Variants in KCNQ1 observed in about 807,000 individuals in gnomAD.
The protein encoded by KCNQ1 is potassium voltage-gated channel subfamily Q member 1.
A neutral mutation model predicts 72.4 loss-of-function variants in KCNQ1; 49 were observed. The ratio of observed to expected loss-of-function variants is 0.68; its 90% CI spans 0.54 to 0.86. The LOEUF is 0.86. Among genes scored for constraint, KCNQ1 ranks in the 40% least tolerant of loss-of-function variants. The pLI is 0.00. For synonymous variants in KCNQ1, 450 were observed against 412.6 expected (o/e 1.09, Z -1.10); for missense variants, 790 against 945.1 (o/e 0.84, Z 2.15).
chr11:2,626,981 G>A lies in KCNQ1; in HGVS notation c.1394-34980G>A. ...AATAACATCATTAGGATTTTTATTG[G>A]GATTACCTTGGATTTGTAGATTGTT... On this transcript the variant is annotated intron_variant, in intron 10 of 15. Coordinates refer to ENST00000155840, the MANE Select transcript of KCNQ1 (RefSeq NM_000218.3). This position sits in a 1 kb window ranked among gnomAD's most constrained non-coding sequence, Gnocchi z 4.0. The A allele has an allele frequency of 5.0e-6, 2 of 398,452 alleles. No individual in the cohort carries two copies. The highest frequency in any genetic ancestry group is 8.8e-6 in the Non-Finnish European group (2 of 226,030). 24.7% of individuals were successfully genotyped at this position (398,452 alleles called of 1,614,324 possible).
intron 1 of KCNQ1, among the ~76,000 whole-genome samples, chr11:2,472,966 A>C (rs1289801991): frequency 2.0e-5 from 3 of 151,894 alleles, no homozygotes; most frequent in African/African-American, 7.3e-5. Flanking sequence ...AGAGGGGCTC[A>C]TGGTGATGGG....
At chr11:2,777,636 C>A (rs1225976108) in intron 14 of KCNQ1, 1 of 587,058 alleles carries the variant, frequency 1.7e-6, no homozygotes, top group Non-Finnish European at 3.0e-6. Context: ...GCTGTGCCCC[C>A]AGCCTGGAGT....
In KCNQ1 at chr11:2,669,558, C is replaced by T; in HGVS notation, c.1514+7477C>T. On this transcript the variant is annotated intron_variant, in intron 11 of 15. Coordinates refer to ENST00000155840, the MANE Select transcript of KCNQ1 (RefSeq NM_000218.3). The surrounding 1 kb of genome is among the most constrained non-coding windows in gnomAD (Gnocchi z 5.6). The stretch of plus-strand genomic sequence containing the variant: ...CCAGGGACAAGGTCTGTCAGGGAGC[C>T]CTGGCCAGCTTGGGTCATTTCATCC... 5.0e-6 allele frequency: 2 copies of T among 398,578 alleles called. No individual in the cohort carries two copies. The highest frequency in any genetic ancestry group is 7.1e-5 in the East Asian group (2 of 28,076). The allele number at this position is 398,578 out of a possible 1,614,324, so 24.7% of individuals were successfully genotyped here.
Position 2,642,025 on chromosome 11 carries a change from A to C in KCNQ1, c.1394-19936A>C, listed in dbSNP as rs912911213. Reference sequence around the variant, plus strand: ...CCAATACCATGCTGCTTTTAATGCTATAGCCTTATATTTTTAAATCAGGCA... The same window carrying C: ...CCAATACCATGCTGCTTTTAATGCTCTAGCCTTATATTTTTAAATCAGGCA... On this transcript the variant is annotated intron_variant, in intron 10 of 15. Coordinates refer to ENST00000155840, the MANE Select transcript of KCNQ1 (RefSeq NM_000218.3). This position sits in a 1 kb window ranked among gnomAD's most constrained non-coding sequence, Gnocchi z 4.3. The C allele has an allele frequency of 2.5e-6, 1 of 398,218 alleles. No individual in the cohort carries two copies. The highest frequency in any genetic ancestry group is 2.1e-5 in the African/African-American group (1 of 48,618). 24.7% of individuals were successfully genotyped at this position (398,218 alleles called of 1,614,324 possible). A position where few individuals can be genotyped will look rare whatever the true frequency, so the allele number is the denominator to read the frequency against.
chr11:2,662,191 C>T (rs146846031), intron 11 of KCNQ1, 110 bp downstream of exon 11: 5 of 1,464,052 alleles, frequency 3.4e-6, no homozygotes, highest in South Asian at 2.5e-5. Context: ...TATCTACTCG[C>T]CTAGTGCCCA....
Position 2,509,418 on chromosome 11 carries a change from A to G in KCNQ1, c.387-18510A>G, listed in dbSNP as rs955968490. ...AGACTTGGCTCCCTTTGCTCCAGTGAGTGGCCGTTGGCTGGGAGGCTGGGT... is the reference window on the plus strand; with the variant it reads ...AGACTTGGCTCCCTTTGCTCCAGTGGGTGGCCGTTGGCTGGGAGGCTGGGT... On this transcript the variant is annotated intron_variant, in intron 1 of 15. Transcript: ENST00000155840. This position sits in a 1 kb window ranked among gnomAD's most constrained non-coding sequence, Gnocchi z 6.3. Among the ~76,000 whole-genome samples the G allele has an allele frequency of 6.6e-6, 1 of 152,054 alleles. No individual in the cohort carries two copies. The highest frequency in any genetic ancestry group is 2.4e-5 in the African/African-American group (1 of 41,390).
chr11:2,479,214 G>A lies in KCNQ1; in HGVS notation c.386+33730G>A, dbSNP rs1246669610. ...AAGCTGTTGATGGATCTATCATTCT[G>A]GGATCTGGAGGACAGTGGCCCTCTT... On this transcript the variant is annotated intron_variant, in intron 1 of 15. Transcript: ENST00000155840. This position sits in a 1 kb window ranked among gnomAD's most constrained non-coding sequence, Gnocchi z 4.6. Among the ~76,000 whole-genome samples the A allele has an allele frequency of 1.3e-5, 2 of 152,174 alleles. No homozygotes were observed. Among genetic ancestry groups the A allele is most frequent in the Non-Finnish European group, 2.9e-5 (2 of 68,026 alleles).
At position 2,494,139 on chromosome 11, in the gene KCNQ1, C is replaced by T. The variant is rs1474874019; in HGVS notation, c.387-33789C>T. Among the ~76,000 whole-genome samples, 1 of 152,030 alleles carries T rather than the reference C, an allele frequency of 6.6e-6. No individual in the cohort carries two copies. Among genetic ancestry groups the T allele is most frequent in the Non-Finnish European group, 1.5e-5 (1 of 68,024 alleles). On this transcript the variant is annotated intron_variant, in intron 1 of 15. Transcript: ENST00000155840. This position sits in a 1 kb window ranked among gnomAD's most constrained non-coding sequence, Gnocchi z 4.6. ...GAATGGGGATTCACTCATGATTTGG[C>T]TCTCTGCTTGTCTATTTTTGGTGTA...
chr11:2,521,700 G>A (rs1364070954), intron 1 of KCNQ1: 2 of 352,612 alleles, frequency 5.7e-6, no homozygotes, highest in African/African-American at 2.1e-5. Flanking sequence ...ACATCTCAGG[G>A]TTACAAAACG....
chr11:2,608,242 G>C lies in KCNQ1; in HGVS notation c.1393+19388G>C. ...TTAGATTCACTCATCTGGCCCTCTT[G>C]GGCTTTTCTTTTCAACTAGTGTTCT... On this transcript the variant is annotated intron_variant, in intron 10 of 15. Transcript: ENST00000155840. The surrounding 1 kb of genome is among the most constrained non-coding windows in gnomAD (Gnocchi z 4.6). 2.5e-6 allele frequency: 1 copy of C among 396,154 alleles called. No individual in the cohort carries two copies. Among genetic ancestry groups the C allele is most frequent in the Non-Finnish European group, 4.4e-6 (1 of 225,166 alleles). 24.5% of individuals were successfully genotyped at this position (396,154 alleles called of 1,614,324 possible).
chr11:2,516,315 G>A lies in KCNQ1; in HGVS notation c.387-11613G>A, dbSNP rs1240321162. Among the ~76,000 whole-genome samples, 1 of 152,112 alleles carries A rather than the reference G, an allele frequency of 6.6e-6. No homozygotes were observed. On this transcript the variant is annotated intron_variant, in intron 1 of 15. Coordinates refer to ENST00000155840, the MANE Select transcript of KCNQ1 (RefSeq NM_000218.3). This position sits in a 1 kb window ranked among gnomAD's most constrained non-coding sequence, Gnocchi z 7.0. ...CTCATGAAGTTTAGAGGCGACAGGA[G>A]GAGGTGGGCTTTAAATGGCTCAGTC...
At chr11:2,628,266 G>A in intron 10 of KCNQ1, 1 of 398,464 alleles carries the variant, frequency 2.5e-6, no homozygotes. Flanking sequence ...ATGTATAAGG[G>A]ACACCTTTTC....
At chr11:2,844,439 T>C (rs916649235) in intron 15 of KCNQ1, among the ~76,000 whole-genome samples, 1 of 152,154 alleles carries the variant, frequency 6.6e-6, no homozygotes, top group African/African-American at 2.4e-5. Flanking sequence ...CAGGCAGCAG[T>C]TGAGGTGAGC....
Position 2,818,920 on chromosome 11 carries a change from G to C in KCNQ1, c.1795-28847G>C, listed in dbSNP as rs1159196294. Among the ~76,000 whole-genome samples, 1 of 152,094 alleles carries C rather than the reference G, an allele frequency of 6.6e-6. No homozygotes were observed. Among genetic ancestry groups the C allele is most frequent in the Admixed American group, 6.5e-5 (1 of 15,280 alleles). On this transcript the variant is annotated intron_variant, in intron 15 of 15. Coordinates refer to ENST00000155840, the MANE Select transcript of KCNQ1 (RefSeq NM_000218.3). The surrounding 1 kb of genome is among the most constrained non-coding windows in gnomAD (Gnocchi z 7.2). The stretch of plus-strand genomic sequence containing the variant: ...TGGGCCACATGCCTCTTGGAAGGCA[G>C]GTGGCACAAGAGGTTCATCCCACCC...
In KCNQ1 at chr11:2,677,595, C is replaced by T. The variant is rs551681765; in HGVS notation, c.1514+15514C>T. 2.5e-6 allele frequency: 1 copy of T among 398,540 alleles called. No homozygotes were observed. Among genetic ancestry groups the T allele is most frequent in the South Asian group, 1.3e-4 (1 of 7,850 alleles). The allele number at this position is 398,540 out of a possible 1,614,324, so 24.7% of individuals were successfully genotyped here. ...CTTTACAAAAGACAAACCAAAATCC[C>T]CTCTGGATTTGTTTTTTTCTAAAAC... On this transcript the variant is annotated intron_variant, in intron 11 of 15. Coordinates refer to ENST00000155840, the MANE Select transcript of KCNQ1 (RefSeq NM_000218.3). The surrounding 1 kb of genome is among the most constrained non-coding windows in gnomAD (Gnocchi z 4.5).
intron 11 of KCNQ1, among the ~76,000 whole-genome samples, chr11:2,756,072 G>A (rs1846294152): frequency 6.6e-6 from 1 of 152,230 alleles, no homozygotes; most frequent in Non-Finnish European, 1.5e-5. Flanking sequence ...CTCCTACATT[G>A]CTGATGGGAG....
chr11:2,848,069 C>A lies in KCNQ1; in HGVS notation c.*66C>A, dbSNP rs994976684. The A allele has an allele frequency of 1.5e-6, 2 of 1,370,582 alleles. No homozygotes were observed. Among genetic ancestry groups the A allele is most frequent in the South Asian group, 1.2e-5 (1 of 80,706 alleles). 84.9% of individuals were successfully genotyped at this position (1,370,582 alleles called of 1,614,324 possible). A position where few individuals can be genotyped will look rare whatever the true frequency, so the allele number is the denominator to read the frequency against. ...AGGCCAAGAGTGGCCCCACCTGGCC[C>A]TCTCTGAAGGAGGCCACCTCCTAAA... On this transcript the variant is annotated 3_prime_UTR_variant, in exon 16 of 16. Coordinates refer to ENST00000155840, the MANE Select transcript of KCNQ1 (RefSeq NM_000218.3).
intron 6 of KCNQ1, among the ~76,000 whole-genome samples, chr11:2,575,075 C>T (rs564684010): frequency 2.1e-4 from 32 of 152,324 alleles, no homozygotes; most frequent in South Asian, 8.3e-4. Flanking sequence ...GGCCCCGGCA[C>T]GGCTGATAAG....
rs924632880 is a variant in KCNQ1 at position 2,673,148 on chromosome 11, T to A, written c.1514+11067T>A. The A allele has an allele frequency of 2.5e-6, 1 of 398,598 alleles. No homozygotes were observed. Among genetic ancestry groups the A allele is most frequent in the African/African-American group, 2.1e-5 (1 of 48,612 alleles). The allele number at this position is 398,598 out of a possible 1,614,324, so 24.7% of individuals were successfully genotyped here. On this transcript the variant is annotated intron_variant, in intron 11 of 15. Coordinates refer to ENST00000155840, the MANE Select transcript of KCNQ1 (RefSeq NM_000218.3). The surrounding 1 kb of genome is among the most constrained non-coding windows in gnomAD (Gnocchi z 4.5). Reference sequence around the variant, plus strand: ...TCAGGGCAGGGGTGCTGACCATCCCTGACCCAAGCACGAGGATCAGAATGG... The same window carrying A: ...TCAGGGCAGGGGTGCTGACCATCCCAGACCCAAGCACGAGGATCAGAATGG...
Sources: gnomAD v4.1 joint callset for allele counts (sites outside exome capture counted in the v4.1 genomes callset) on GRCh38, gnomAD v4.1.1 for gene constraint, Gnocchi (gnomAD v3.1) non-coding constraint, MANE v1.5 for transcripts, NCBI Gene and HGNC (gene_info 2026-07-23, HGNC 2026-07-21) for gene names.